TCEA1: variants seen among roughly 807,000 people sequenced by gnomAD.
TCEA1 encodes the protein transcription elongation factor A protein 1.
A neutral mutation model predicts 43.8 loss-of-function variants in TCEA1; 21 were observed. That is an observed-to-expected ratio of 0.48 (90% confidence interval 0.34 to 0.69). The LOEUF (loss-of-function observed/expected upper bound fraction) is 0.69, where lower values mean the gene tolerates loss of function less well. Ranked by LOEUF, TCEA1 falls within the 30% of genes least tolerant of loss-of-function variation. The probability of loss-of-function intolerance (pLI) is 0.01; values close to 1 mark genes in which losing one functional copy is unlikely to be tolerated. For missense variants in TCEA1, 250 were observed against 365.1 expected (o/e 0.68, Z 2.57); for synonymous variants, 104 against 117.5 (o/e 0.88, Z 0.75).
intron 3 of TCEA1, among the ~76,000 whole-genome samples, chr8:53,998,741 G>C (rs930218431): frequency 1.3e-5 from 2 of 152,098 alleles, no homozygotes; most frequent in African/African-American, 4.8e-5. Context: ...GGTGATAATT[G>C]ATAGTGAAAG....
chr8:53,977,534 T>C (rs1803369732), intron 8 of TCEA1, among the ~76,000 whole-genome samples: 1 of 152,214 alleles, frequency 6.6e-6, no homozygotes, highest in Non-Finnish European at 1.5e-5. Flanking sequence ...TAAAGGCCCC[T>C]TTAGAGTTTA....
At chr8:53,969,269 A>C (rs1032141442) in intron 9 of TCEA1, among the ~76,000 whole-genome samples, 2 of 152,184 alleles carry the variant, frequency 1.3e-5, no homozygotes, top group Non-Finnish European at 2.9e-5. Flanking sequence ...CAGCCTGGGC[A>C]ACACAGTGAG....
intron 8 of TCEA1, among the ~76,000 whole-genome samples, chr8:53,974,685 G>A (rs1264371943): frequency 5.9e-5 from 9 of 151,804 alleles, no homozygotes; most frequent in African/African-American, 1.9e-4. Flanking sequence ...GCGCCAACAC[G>A]CCTGCCTAAT....
chr8:54,012,212 C>T (rs559207989), intron 1 of TCEA1, among the ~76,000 whole-genome samples: 11 of 152,328 alleles, frequency 7.2e-5, no homozygotes, highest in Non-Finnish European at 1.5e-4. Context: ...CTAACCACAA[C>T]ACATGTAAAG....
chr8:53,987,465 A>G (rs1046556632), intron 5 of TCEA1, among the ~76,000 whole-genome samples: 1 of 152,226 alleles, frequency 6.6e-6, no homozygotes, highest in Admixed American at 6.5e-5. Context: ...GGATAGAAGG[A>G]AATAAACTAG....
intron 3 of TCEA1, among the ~76,000 whole-genome samples, chr8:53,997,507 C>T (rs2129307616): frequency 6.6e-6 from 1 of 152,266 alleles, no homozygotes; most frequent in South Asian, 2.1e-4. Context: ...TTGAGAAGGA[C>T]ATAACATGCT....
At chr8:53,972,930 G>A (rs1363248229) in intron 8 of TCEA1, 1 of 665,080 alleles carries the variant, frequency 1.5e-6, no homozygotes, top group Non-Finnish European at 2.8e-6. Context: ...GTATTTAACA[G>A]CATATAAACT....
chr8:53,975,796 G>A (rs937176901), intron 8 of TCEA1, among the ~76,000 whole-genome samples: 2 of 152,148 alleles, frequency 1.3e-5, no homozygotes, highest in African/African-American at 4.8e-5. Flanking sequence ...GAGGAAAAGT[G>A]TTCCGGAGAC....
Position 54,003,228 on chromosome 8 carries a change from AAC to A in TCEA1, c.127-3180_127-3179del. On this transcript the variant is annotated intron_variant, in intron 2 of 9. Transcript: ENST00000521604. ...TTTGAAAGAAATTAAAGATGACCCA[AAC>A]AAAATTTTTAAATCTCATGTCGATA... is the stretch of plus-strand genomic sequence containing the variant. The A allele has an allele frequency of 1.4e-5, 5 of 367,842 alleles. No homozygotes were observed. In the East Asian group the frequency reaches 2.9e-4, roughly 21 times the overall value. 22.8% of individuals were successfully genotyped at this position (367,842 alleles called of 1,614,324 possible).
chr8:53,984,657 G>C (rs1404403153), intron 6 of TCEA1, 140 bp from the exon 7 acceptor site: 2 of 594,192 alleles, frequency 3.4e-6, no homozygotes, highest in Middle Eastern at 4.7e-4. Flanking sequence ...GCTGAGGCTG[G>C]TGGATCACGA....
intron 4 of TCEA1, 131 bp from the exon 5 acceptor site, chr8:53,988,390 G>A: frequency 7.3e-6 from 8 of 1,100,274 alleles, no homozygotes; most frequent in Middle Eastern, 2.3e-4. Context: ...ACCTTTATGT[G>A]ATGGAAAAAA....
At chr8:54,019,499 G>A (rs1181858655) in intron 1 of TCEA1, among the ~76,000 whole-genome samples, 1 of 151,690 alleles carries the variant, frequency 6.6e-6, no homozygotes, top group Non-Finnish European at 1.5e-5. Context: ...GAACTGGGGA[G>A]GCGGAGGTTG....
intron 4 of TCEA1, among the ~76,000 whole-genome samples, chr8:53,991,310 T>C (rs1424059321): frequency 2.0e-5 from 3 of 151,998 alleles, no homozygotes; most frequent in African/African-American, 7.3e-5. Context: ...GGAGAATCGC[T>C]TGAACCTGGG....
At chr8:54,005,584 C>A (rs1334148815) in intron 2 of TCEA1, among the ~76,000 whole-genome samples, 1 of 151,960 alleles carries the variant, frequency 6.6e-6, no homozygotes, top group African/African-American at 2.4e-5. Flanking sequence ...CACCATCTAC[C>A]CAGTTGCCAT....
At chr8:53,992,089 A>G (rs1270218787) in intron 4 of TCEA1, among the ~76,000 whole-genome samples, 1 of 152,072 alleles carries the variant, frequency 6.6e-6, no homozygotes, top group African/African-American at 2.4e-5. Flanking sequence ...AGGCAGGTGG[A>G]TCACCTGTGG....
chr8:54,013,932 T>C (rs985941219), intron 1 of TCEA1, among the ~76,000 whole-genome samples: 13 of 152,160 alleles, frequency 8.5e-5, no homozygotes, highest in African/African-American at 3.1e-4. Flanking sequence ...TGCACAAGGT[T>C]CTATGATTAC....
intron 8 of TCEA1, chr8:53,973,237 G>A: frequency 6.4e-6 from 3 of 469,384 alleles, no homozygotes; most frequent in Non-Finnish European, 1.2e-5. Flanking sequence ...AAAAAGAAAA[G>A]AAAGACAAAG....
rs562991921 is a variant in TCEA1, at chr8:54,022,368, G to C, written c.-243C>G. ...GCGCGACGTGCAGGCGCTACCAACT[G>C]ACTGCAGATCGCTGGTGAGGGGCGA... On this transcript the variant is annotated 5_prime_UTR_variant, in exon 1 of 10. The change creates a premature stop within an existing upstream ORF in the 5' untranslated region. Coordinates refer to ENST00000521604, the MANE Select transcript of TCEA1 (RefSeq NM_006756.4). 76 of 556,792 alleles carry C rather than the reference G, an allele frequency of 1.4e-4. No individual in the cohort carries two copies. The Middle Eastern group carries it at 2.8e-3, about 21-fold the overall frequency. 34.5% of individuals were successfully genotyped at this position (556,792 alleles called of 1,614,324 possible).
At chr8:53,975,780 T>C (rs1803313871) in intron 8 of TCEA1, among the ~76,000 whole-genome samples, 1 of 152,130 alleles carries the variant, frequency 6.6e-6, no homozygotes, top group South Asian at 2.1e-4. Context: ...AGTTTCACTT[T>C]TGCAAGAGGA....
Sources: allele counts gnomAD v4.1 joint callset (sites outside exome capture counted in the v4.1 genomes callset), GRCh38; gene constraint gnomAD v4.1.1; transcripts MANE v1.5; gene names NCBI Gene and HGNC (gene_info 2026-07-23, HGNC 2026-07-21).